Variants in METTL15 observed in about 807,000 individuals in gnomAD.
METTL15 encodes the protein 12S rRNA N(4)-cytidine methyltransferase METTL15.
A neutral mutation model predicts 38.3 loss-of-function variants in METTL15; 34 were observed. The ratio of observed to expected loss-of-function variants is 0.89; its 90% CI spans 0.68 to 1.18. The LOEUF is 1.18. Among genes scored for constraint, METTL15 ranks in the 50% most tolerant of loss-of-function variants. The pLI is 0.00. For missense variants in METTL15, 438 were observed against 498.4 expected, an observed-to-expected ratio of 0.88 and a Z score of 1.15; for synonymous variants, 162 against 170.9, an observed-to-expected ratio of 0.95 and a Z score of 0.41.
chr11:28,279,345 A>G (rs1855961430), intron 4 of METTL15, among the ~76,000 whole-genome samples: 1 of 152,160 alleles, frequency 6.6e-6, no homozygotes, highest in South Asian at 2.1e-4. Context: ...TTAAAATTCA[A>G]TCTGGCACTC....
chr11:28,288,013 A>T (rs201002778), intron 4 of METTL15, among the ~76,000 whole-genome samples: 53 of 152,202 alleles, frequency 3.5e-4, no homozygotes, highest in East Asian at 2.9e-3. Context: ...TATGTGATTA[A>T]TAAACTTTTG....
At position 28,379,690 on chromosome 11, in the gene METTL15, G is replaced by A. The variant is rs558290134; in HGVS notation, c.*358+17654G>A. Among the ~76,000 whole-genome samples the A allele has an allele frequency of 2.6e-5, 4 of 152,288 alleles. No homozygotes were observed. In the South Asian group the frequency reaches 8.3e-4, roughly 32 times the overall value. The stretch of plus-strand genomic sequence containing the variant: ...AGAATAATGTGATTCTATTGCAGTT[G>A]GGTGAAATATTCTGTAAATGTCAGT... On this transcript the variant is annotated intron_variant and NMD_transcript_variant, in intron 5 of 7. Coordinates refer to the METTL15 transcript ENST00000532947.
At position 28,343,981 on chromosome 11, in the gene METTL15, G is replaced by T. The variant is rs535642501; in HGVS notation, c.*190-8109G>T. Among the ~76,000 whole-genome samples the T allele has an allele frequency of 1.4e-4, 21 of 152,214 alleles. No homozygotes were observed. In the South Asian group the frequency reaches 4.4e-3, roughly 32 times the overall value. On this transcript the variant is annotated intron_variant and NMD_transcript_variant, in intron 3 of 7. Coordinates refer to the METTL15 transcript ENST00000532947. ...TGAAGTTTTCTTCCAAAAAGAACTG[G>T]GTTTATAACATTCGTTTAAGGTGAG...
chr11:28,457,261 A>G (rs1252652792), intron 6 of METTL15, among the ~76,000 whole-genome samples: 2 of 152,220 alleles, frequency 1.3e-5, no homozygotes, highest in Non-Finnish European at 2.9e-5. Flanking sequence ...TAGAGTGTTT[A>G]GAAAAGGCTT....
chr11:28,464,622 AATCT>A (rs1350897535), intron 6 of METTL15, among the ~76,000 whole-genome samples: 1 of 152,136 alleles, frequency 6.6e-6, no homozygotes, highest in African/African-American at 2.4e-5. Context: ...ATCCTTCCTA[AATCT>A]ATCTTTCTGC....
At chr11:28,159,991 C>T (rs1019003539) in intron 3 of METTL15, among the ~76,000 whole-genome samples, 5 of 151,892 alleles carry the variant, frequency 3.3e-5, no homozygotes, top group South Asian at 2.1e-4. Context: ...GCATTTGAGT[C>T]GGTGAGCTAG....
At chr11:28,368,113 A>G (rs1447035933) in intron 5 of METTL15, among the ~76,000 whole-genome samples, 8 of 149,144 alleles carry the variant, frequency 5.4e-5, no homozygotes, top group Admixed American at 2.7e-4. Context: ...ATTAAACTAA[A>G]GAGCTTCTGC....
chr11:28,174,814 C>A (rs76941078), intron 3 of METTL15, among the ~76,000 whole-genome samples: 608 of 90,984 alleles, frequency 6.7e-3, no homozygotes, highest in African/African-American at 9.3e-3. Context: ...GATTCTGTCT[C>A]AAAAAAAAAA....
chr11:28,231,668 T>A (rs1853690259), intron 4 of METTL15, among the ~76,000 whole-genome samples: 2 of 151,916 alleles, frequency 1.3e-5, no homozygotes, highest in African/African-American at 2.4e-5. Flanking sequence ...CAATGTTGTG[T>A]CATACCTCTC....
intron 6 of METTL15, among the ~76,000 whole-genome samples, chr11:28,454,560 C>T (rs1028434365): frequency 6.6e-6 from 1 of 152,118 alleles, no homozygotes; most frequent in Non-Finnish European, 1.5e-5. Flanking sequence ...AAATTTAAGC[C>T]ATCCTAAGTC....
At chr11:28,228,589 TATATAC>T (rs975383199) in intron 4 of METTL15, among the ~76,000 whole-genome samples, 2 of 151,854 alleles carry the variant, frequency 1.3e-5, no homozygotes, top group African/African-American at 4.8e-5. Flanking sequence ...TATGTATACA[TATATAC>T]ATATACATAT....
At chr11:28,113,725 T>TCAACCATCAAAA in intron 3 of METTL15, 121 bp downstream of exon 3, 1 of 1,004,462 alleles carries the variant, frequency 1.0e-6, no homozygotes, top group Non-Finnish European at 1.4e-6. Flanking sequence ...TCCCAACTTT[T>TCAACCATCAAAA]GATGGTTGAT....
At chr11:28,141,318 A>G (rs774099508) in intron 3 of METTL15, among the ~76,000 whole-genome samples, 2 of 152,134 alleles carry the variant, frequency 1.3e-5, no homozygotes, top group African/African-American at 2.4e-5. Context: ...TCCTGTTGGT[A>G]TCAGGTGGTA....
At chr11:28,205,829 G>A (rs1239991637) in intron 3 of METTL15, among the ~76,000 whole-genome samples, 45 of 149,180 alleles carry the variant, frequency 3.0e-4, no homozygotes, top group Middle Eastern at 6.8e-3. Flanking sequence ...TCTCATTGTG[G>A]TTTTGATTTG....
In METTL15 at chr11:28,283,388, G is replaced by A. The variant is rs145951053; in HGVS notation, c.408-6818G>A. ...AGATTTCTGTAGCCAAGATGGATGA[G>A]CACTTATTAACTACAGGATGCCCAA... On this transcript the variant is annotated intron_variant, in intron 4 of 6. Coordinates refer to ENST00000407364, the MANE Select transcript of METTL15 (RefSeq NM_001113528.2). 3.3e-3 allele frequency among the ~76,000 whole-genome samples: 501 copies of A among 152,248 alleles called. 1 individual carries two copies. The highest frequency in any genetic ancestry group is 5.7e-3 in the Non-Finnish European group (385 of 68,020).
At chr11:28,204,109 A>C (rs951059485) in intron 3 of METTL15, among the ~76,000 whole-genome samples, 1 of 152,018 alleles carries the variant, frequency 6.6e-6, no homozygotes, top group Non-Finnish European at 1.5e-5. Context: ...TATTCATATC[A>C]CATTACTTAG....
chr11:28,353,924 T>A (rs1232160416), intron 4 of METTL15, among the ~76,000 whole-genome samples: 1 of 118,942 alleles, frequency 8.4e-6, no homozygotes, highest in East Asian at 2.5e-4. Context: ...AGAGCGAGAC[T>A]CCGTCTCAAA....
chr11:28,153,370 G>A (rs1169936073), intron 3 of METTL15, among the ~76,000 whole-genome samples: 10 of 152,030 alleles, frequency 6.6e-5, no homozygotes. Context: ...GGATTCAACA[G>A]TACTCTCCAT....
chr11:28,455,708 T>G (rs1348603038), intron 6 of METTL15, among the ~76,000 whole-genome samples: 1 of 152,180 alleles, frequency 6.6e-6, no homozygotes, highest in Admixed American at 6.5e-5. Flanking sequence ...ATTTATTTTA[T>G]TTTATTTTAT....
Sources: gnomAD v4.1 joint callset for allele counts (sites outside exome capture counted in the v4.1 genomes callset) on GRCh38, gnomAD v4.1.1 for gene constraint, MANE v1.5 for transcripts, NCBI Gene and HGNC (gene_info 2026-07-23, HGNC 2026-07-21) for gene names.